GAS2L1: variants seen among roughly 807,000 people sequenced by gnomAD.
The protein encoded by GAS2L1 is GAS2-like protein 1.
A neutral mutation model predicts 44.0 loss-of-function variants in GAS2L1; 26 were observed. The observed-to-expected ratio is 0.59, with a 90% CI of 0.43 to 0.82. GAS2L1 has a LOEUF of 0.82. GAS2L1 is among the 40% of genes least tolerant of loss of function. GAS2L1 has a pLI of 0.00. For missense variants in GAS2L1, 1,006 were observed against 983.0 expected (o/e 1.02, Z -0.31); for synonymous variants, 426 against 415.9 (o/e 1.02, Z -0.30).
At chr22:29,311,914 T>G (rs367793840) in exon 5 of GAS2L1, 76 of 1,602,758 alleles carry the variant, frequency 4.7e-5, no homozygotes, top group African/African-American at 2.8e-4. Flanking sequence ...CTTTCCCGGG[T>G]CTCCAGCCCC....
At chr22:29,308,829 C>A in intron 1 of GAS2L1, 91 bp downstream of exon 2, 1 of 1,029,390 alleles carries the variant, frequency 9.7e-7, no homozygotes, top group Non-Finnish European at 1.3e-6. Context: ...ACCCTGCTAT[C>A]TGCAGAACAG....
At chr22:29,309,508 CCT>C (rs920741765) in intron 1 of GAS2L1, among the ~76,000 whole-genome samples, 4 of 152,236 alleles carry the variant, frequency 2.6e-5, no homozygotes, top group African/African-American at 9.6e-5. Flanking sequence ...GGCCCCACCC[CCT>C]GTCCTGGACC....
exon 1 of GAS2L1, chr22:29,308,672 C>G (rs56037813): frequency 0.065 from 98,414 of 1,523,442 alleles, 3,721 homozygotes; most frequent in Non-Finnish European, 0.077. Flanking sequence ...AAACCGCCCC[C>G]GCACCAGGGA....
intron 1 of GAS2L1, 181 bp from the exon 3 acceptor site, chr22:29,310,258 T>TAA: frequency 3.3e-6 from 1 of 306,560 alleles, no homozygotes; most frequent in Non-Finnish European, 5.7e-6. Context: ...AAAAAAAAAA[T>TAA]AAAAAAAAAT....
intron 2 of GAS2L1, 37 bp downstream of exon 3, chr22:29,310,583 A>G (rs775375528): frequency 1.1e-4 from 172 of 1,587,232 alleles, no homozygotes; most frequent in Non-Finnish European, 1.4e-4. Context: ...GCAGCAGCCA[A>G]GGTGGTGGGC....
Position 29,310,743 on chromosome 22 carries a change from CA to C in GAS2L1, c.838+10del. The C allele has an allele frequency of 6.2e-7, 1 of 1,607,544 alleles. No individual in the cohort carries two copies. The highest frequency in any genetic ancestry group is 8.5e-7 in the Non-Finnish European group (1 of 1,178,374). Reference sequence around the variant, plus strand: ...CCGCTGCTCCTCCACTGGTCAGTGCCAGGGTGGGGCTGGGGCTGGACGGGCA... The same window carrying C: ...CCGCTGCTCCTCCACTGGTCAGTGCCGGGTGGGGCTGGGGCTGGACGGGCA... On this transcript the variant is annotated intron_variant, in intron 3 of 4. Transcript: ENST00000618518.
Position 29,311,454 on chromosome 22 carries a change from TGCCCCAG to T in GAS2L1, c.1011-2_1015del. ...ACCCCATCTGTCTCTATTGTCCCCC[TGCCCCAG>T]GCCCCGGGATCAGCTGCCCCCCCAT... On this transcript the variant is annotated splice_acceptor_variant and splice_polypyrimidine_tract_variant and intron_variant, in intron 4 of 4. Coordinates refer to ENST00000618518, the Ensembl canonical transcript of GAS2L1. LOFTEE classifies it high-confidence loss of function. 1 of 1,157,112 alleles carries T rather than the reference TGCCCCAG, an allele frequency of 8.6e-7. No individual in the cohort carries two copies. Among genetic ancestry groups the T allele is most frequent in the Non-Finnish European group, 1.2e-6 (1 of 818,260 alleles). 71.7% of individuals were successfully genotyped at this position (1,157,112 alleles called of 1,614,324 possible). A position where few individuals can be genotyped will look rare whatever the true frequency, so the allele number is the denominator to read the frequency against.
rs940029862 is a variant in GAS2L1 at position 29,311,447 on chromosome 22, GTCCCCCTGCCC to G, written c.1011-14_1011-4del. The G allele has an allele frequency of 3.9e-6, 4 of 1,036,352 alleles. No individual in the cohort carries two copies. Among genetic ancestry groups the G allele is most frequent in the Admixed American group, 4.7e-5 (2 of 42,316 alleles). The allele number at this position is 1,036,352 out of a possible 1,614,324, so 64.2% of individuals were successfully genotyped here. ...CCGTGGTACCCCATCTGTCTCTATT[GTCCCCCTGCCC>G]CAGGCCCCGGGATCAGCTGCCCCCC... On this transcript the variant is annotated splice_polypyrimidine_tract_variant and splice_region_variant and intron_variant, in intron 4 of 4. Coordinates refer to ENST00000618518, the Ensembl canonical transcript of GAS2L1.
chr22:29,310,794 C>G (rs200876928), intron 3 of GAS2L1, 33 bp from the exon 5 acceptor site: 1 of 1,606,384 alleles, frequency 6.2e-7, no homozygotes, highest in African/African-American at 1.3e-5. Flanking sequence ...GTGGCTCTGT[C>G]CCTCACATGC....
rs2061390742 is a variant in GAS2L1 at position 29,310,425 on chromosome 22, C to G, written c.634-14C>G. 1.4e-6 allele frequency: 2 copies of G among 1,470,988 alleles called. No individual in the cohort carries two copies. The highest frequency in any genetic ancestry group is 1.4e-5 in the African/African-American group (1 of 72,172). 91.1% of individuals were successfully genotyped at this position (1,470,988 alleles called of 1,614,324 possible). A position where few individuals can be genotyped will look rare whatever the true frequency, so the allele number is the denominator to read the frequency against. ...ACTTGACCTCTGACCCCTACCCTCT[C>G]TCTCTGGCCTCAGGTGAGGGAGATT... is the stretch of plus-strand genomic sequence containing the variant. On this transcript the variant is annotated splice_polypyrimidine_tract_variant and intron_variant, in intron 1 of 4. Transcript: ENST00000618518.
At chr22:29,311,863 C>G (rs771613423) in exon 5 of GAS2L1, 1 of 1,594,458 alleles carries the variant, frequency 6.3e-7, no homozygotes, top group South Asian at 1.1e-5. Context: ...GGCAGGAGCA[C>G]CCCCCAGACT....
chr22:29,308,757 G>C lies in GAS2L1; in HGVS notation c.633+19G>C, dbSNP rs1410296401. The C allele has an allele frequency of 3.4e-6, 5 of 1,478,018 alleles. No homozygotes were observed. Among genetic ancestry groups the C allele is most frequent in the Non-Finnish European group, 4.5e-6 (5 of 1,120,386 alleles). The allele number at this position is 1,478,018 out of a possible 1,614,324, so 91.6% of individuals were successfully genotyped here. Reference sequence around the variant, plus strand: ...CGAGCTGGTGAGTCCCCCAGCACCAGGTGCCAGGGACCCGACAGCACAGCC... The same window carrying C: ...CGAGCTGGTGAGTCCCCCAGCACCACGTGCCAGGGACCCGACAGCACAGCC... On this transcript the variant is annotated intron_variant, in intron 1 of 4. Coordinates refer to ENST00000618518, the Ensembl canonical transcript of GAS2L1.
chr22:29,311,141 T>G, intron 4 of GAS2L1, 143 bp downstream of exon 5: 1 of 769,042 alleles, frequency 1.3e-6, no homozygotes, highest in Non-Finnish European at 2.0e-6. Flanking sequence ...TGGCTTCCCA[T>G]CTCCATGGCA....
chr22:29,312,302 A>G, exon 5 of GAS2L1: 1 of 1,608,158 alleles, frequency 6.2e-7, no homozygotes, highest in Non-Finnish European at 8.5e-7. Flanking sequence ...CACTAGATGC[A>G]CCTGGGAGCC....
chr22:29,308,410 A>G, exon 1 of GAS2L1: 5 of 1,608,570 alleles, frequency 3.1e-6, no homozygotes, highest in Non-Finnish European at 4.2e-6. Context: ...GCGCGCGACA[A>G]CGTGGCCACC....
intron 4 of GAS2L1, chr22:29,311,209 C>T (rs1359713638): frequency 1.3e-5 from 8 of 598,708 alleles, no homozygotes; most frequent in Non-Finnish European, 2.4e-5. Flanking sequence ...GGCAGCCAGT[C>T]CAGCTCTTGC....
At position 29,308,746 on chromosome 22, in the gene GAS2L1, C is replaced by T; in HGVS notation, c.633+8C>T. On this transcript the variant is annotated splice_region_variant and intron_variant, in intron 1 of 4. Coordinates refer to ENST00000618518, the Ensembl canonical transcript of GAS2L1. ...CGCAACCTCGACGAGCTGGTGAGTC[C>T]CCCAGCACCAGGTGCCAGGGACCCG... is the stretch of plus-strand genomic sequence containing the variant. 2 of 1,483,568 alleles carry T rather than the reference C, an allele frequency of 1.3e-6. No individual in the cohort carries two copies. Among genetic ancestry groups the T allele is most frequent in the Non-Finnish European group, 8.9e-7 (1 of 1,122,970 alleles). 91.9% of individuals were successfully genotyped at this position (1,483,568 alleles called of 1,614,324 possible).
At chr22:29,310,258 TAAA>T (rs1169109475) in intron 1 of GAS2L1, 178 bp from the exon 3 acceptor site, 62 of 306,866 alleles carry the variant, frequency 2.0e-4, no homozygotes, top group African/African-American at 1.5e-3. Flanking sequence ...AAAAAAAAAA[TAAA>T]AAAAAATAAA....
At chr22:29,310,947 T>C (rs2061398050) in exon 4 of GAS2L1, 1 of 1,613,734 alleles carries the variant, frequency 6.2e-7, no homozygotes, top group African/African-American at 1.3e-5. Flanking sequence ...CGGCCTGAGA[T>C]GACTCCCGTT....
Sources: allele counts gnomAD v4.1 joint callset (sites outside exome capture counted in the v4.1 genomes callset), GRCh38; gene constraint gnomAD v4.1.1; transcripts MANE v1.5; gene names NCBI Gene and HGNC (gene_info 2026-07-23, HGNC 2026-07-21).